Variants in SLIT1 observed in about 807,000 individuals in gnomAD.
The protein encoded by SLIT1 is slit homolog 1 protein.
SLIT1 carries 66 observed loss-of-function variants against 186.1 expected under a neutral mutation model. The observed-to-expected ratio is 0.35, with a 90% CI of 0.29 to 0.44. The LOEUF is 0.44. Among genes scored for constraint, SLIT1 ranks in the 20% least tolerant of loss-of-function variants. SLIT1 has a pLI of 1.00. For synonymous variants in SLIT1, 761 were observed against 833.8 expected (o/e 0.91, Z 1.50); for missense variants, 1,638 against 2,037.4 (o/e 0.80, Z 3.77).
chr10:97,060,309 C>T (rs915507354), intron 9 of SLIT1, 151 bp from the exon 10 acceptor site: 14 of 700,258 alleles, frequency 2.0e-5, no homozygotes, highest in African/African-American at 2.0e-4. Flanking sequence ...GGGGTAAGGA[C>T]GCCGGGACAG....
intron 22 of SLIT1, among the ~76,000 whole-genome samples, chr10:97,035,208 T>C (rs1432953171): frequency 2.0e-5 from 3 of 152,188 alleles, no homozygotes; most frequent in Admixed American, 6.5e-5. Context: ...CCTCAGTCTC[T>C]GGTAGAAGCT....
At chr10:97,132,022 G>C (rs543735537) in intron 4 of SLIT1, among the ~76,000 whole-genome samples, 144 of 152,304 alleles carry the variant, frequency 9.5e-4, no homozygotes, top group African/African-American at 3.3e-3. Context: ...TCAGCTAACT[G>C]TCCATCCCCC....
At chr10:97,051,424 T>C (rs1403132505) in intron 13 of SLIT1, among the ~76,000 whole-genome samples, 1 of 151,954 alleles carries the variant, frequency 6.6e-6, no homozygotes, top group Non-Finnish European at 1.5e-5. Flanking sequence ...ACACCACTGG[T>C]GGGAATGTAA....
At chr10:97,030,418 T>C (rs1313987490) in intron 25 of SLIT1, among the ~76,000 whole-genome samples, 1 of 152,170 alleles carries the variant, frequency 6.6e-6, no homozygotes, top group African/African-American at 2.4e-5. Context: ...CCACTTTTTC[T>C]CCATCCATTT....
At chr10:97,103,312 C>T (rs553779129) in intron 4 of SLIT1, 25 of 152,388 alleles carry the variant, frequency 1.6e-4, no homozygotes, top group Non-Finnish European at 3.2e-4. Flanking sequence ...CTTCCCCTCT[C>T]TTTGCAGCAG....
In SLIT1 at chr10:97,021,958, A is replaced by G. The variant is rs1040688988; in HGVS notation, c.2583-545T>C. Reference sequence around the variant, plus strand: ...TTACATGTGCAGAAACCGAGGCTCAAAAAGGCTGAGGAATTTGCCTAAGAT... The same window carrying G: ...TTACATGTGCAGAAACCGAGGCTCAGAAAGGCTGAGGAATTTGCCTAAGAT... On this transcript the variant is annotated intron_variant, in intron 25 of 36. Coordinates refer to ENST00000266058, the MANE Select transcript of SLIT1 (RefSeq NM_003061.3). This position sits in a 1 kb window ranked among gnomAD's most constrained non-coding sequence, Gnocchi z 4.5. Among the ~76,000 whole-genome samples the G allele has an allele frequency of 1.3e-5, 2 of 152,232 alleles. No individual in the cohort carries two copies. The highest frequency in any genetic ancestry group is 4.8e-5 in the African/African-American group (2 of 41,464).
At chr10:97,077,079 A>G (rs1430312576) in intron 4 of SLIT1, among the ~76,000 whole-genome samples, 1 of 152,196 alleles carries the variant, frequency 6.6e-6, no homozygotes, top group African/African-American at 2.4e-5. Flanking sequence ...CATGGGCAAC[A>G]TAGTGAGTGA....
chr10:97,058,794 G>A (rs772413073), intron 11 of SLIT1, among the ~76,000 whole-genome samples: 4 of 152,200 alleles, frequency 2.6e-5, no homozygotes, highest in South Asian at 2.1e-4. Flanking sequence ...CAGGGAGCTC[G>A]CCCAACTCCA....
chr10:97,058,544 G>A (rs1848862359), intron 11 of SLIT1, among the ~76,000 whole-genome samples: 2 of 152,168 alleles, frequency 1.3e-5, no homozygotes, highest in Admixed American at 1.3e-4. Context: ...AGCTGTGTAG[G>A]GTGTACACTG....
At chr10:97,096,536 C>G (rs1849292007) in intron 4 of SLIT1, among the ~76,000 whole-genome samples, 1 of 152,138 alleles carries the variant, frequency 6.6e-6, no homozygotes, top group African/African-American at 2.4e-5. Context: ...ATTATCAGCT[C>G]GAAGCTTCCA....
At chr10:97,122,583 A>T (rs1348346312) in intron 4 of SLIT1, among the ~76,000 whole-genome samples, 1 of 152,176 alleles carries the variant, frequency 6.6e-6, no homozygotes, top group African/African-American at 2.4e-5. Flanking sequence ...GTGTTACACA[A>T]GTGCATGTGC....
At chr10:97,001,924 G>A (rs1330487764) in intron 36 of SLIT1, among the ~76,000 whole-genome samples, 1 of 152,060 alleles carries the variant, frequency 6.6e-6, no homozygotes, top group African/African-American at 2.4e-5. Context: ...TGCAAGGAGA[G>A]ACCCCAGCCA....
chr10:97,039,408 G>T (rs1848669939), intron 21 of SLIT1, among the ~76,000 whole-genome samples: 1 of 152,178 alleles, frequency 6.6e-6, no homozygotes, highest in Admixed American at 6.5e-5. Flanking sequence ...AAGCAAGAAG[G>T]CCACCTTCTC....
intron 26 of SLIT1, among the ~76,000 whole-genome samples, chr10:97,020,776 T>C (rs1848495655): frequency 6.6e-6 from 1 of 152,374 alleles, no homozygotes; most frequent in East Asian, 1.9e-4. Context: ...AATGAGTATT[T>C]ACAAATGCCC....
At chr10:97,173,107 A>G (rs1850212172) in intron 1 of SLIT1, among the ~76,000 whole-genome samples, 1 of 152,160 alleles carries the variant, frequency 6.6e-6, no homozygotes, top group African/African-American at 2.4e-5. Context: ...GCCCAATATG[A>G]GCAAGGAAAT....
chr10:97,185,492 C>T lies in SLIT1; in HGVS notation c.183G>A (p.Arg61=). The T allele has an allele frequency of 6.2e-7, 1 of 1,612,120 alleles. No homozygotes were observed. The highest frequency in any genetic ancestry group is 8.5e-7 in the Non-Finnish European group (1 of 1,179,566). The part of the protein sequence containing the change: ...GLQAIPKNIP[R]NTERLELNGN... ...ACCATACTCACAGGCGCTCGGTGTT[C>T]CGAGGTATATTCTTGGGAATGGCCT... The change falls in exon 1 of 37, where the codon CGG becomes CGA. Residue 61 remains arginine, a synonymous_variant. Transcript: ENST00000266058.
chr10:97,031,733 C>T, intron 23 of SLIT1, 56 bp from the exon 24 acceptor site: 1 of 1,406,860 alleles, frequency 7.1e-7, no homozygotes, highest in Non-Finnish European at 9.8e-7. Flanking sequence ...CCCCTGTGGG[C>T]ACAGCCGCCG....
intron 4 of SLIT1, among the ~76,000 whole-genome samples, chr10:97,121,876 C>CTTA (rs1239878850): frequency 6.6e-6 from 1 of 152,216 alleles, no homozygotes. Flanking sequence ...ACAAATTCTA[C>CTTA]TTATTGAGCA....
intron 14 of SLIT1, 91 bp downstream of exon 14, chr10:97,048,864 T>C (rs1546047): frequency 0.13 from 172,140 of 1,329,562 alleles, 14,275 homozygotes; most frequent in Non-Finnish European, 0.14. Context: ...GGTGGGCAGG[T>C]GGGCAGGTAT....
Sources: gnomAD v4.1 joint callset for allele counts (sites outside exome capture counted in the v4.1 genomes callset) on GRCh38, gnomAD v4.1.1 for gene constraint, Gnocchi (gnomAD v3.1) non-coding constraint, MANE v1.5 for transcripts, NCBI Gene and HGNC (gene_info 2026-07-23, HGNC 2026-07-21) for gene names.